The following KMT2C variants were observed in gnomAD, a reference collection of about 807,000 sequenced individuals.
The protein encoded by KMT2C is histone-lysine N-methyltransferase 2C.
A neutral mutation model predicts 507.9 loss-of-function variants in KMT2C; 88 were observed. The ratio of observed to expected loss-of-function variants is 0.17; its 90% CI spans 0.15 to 0.21. KMT2C has a LOEUF of 0.21. Among genes scored for constraint, KMT2C ranks in the 10% least tolerant of loss-of-function variants. KMT2C has a pLI of 1.00. For missense variants in KMT2C, 4,954 were observed against 5,957.8 expected (o/e 0.83, Z 5.55); for synonymous variants, 2,049 against 2,080.8 (o/e 0.98, Z 0.42).
chr7:152,201,045 G>T (rs1225485605), intron 26 of KMT2C, among the ~76,000 whole-genome samples: 3 of 152,124 alleles, frequency 2.0e-5, no homozygotes, highest in Non-Finnish European at 4.4e-5. Context: ...CGTTTTAGAA[G>T]TTTAGAGGTC....
intron 6 of KMT2C, among the ~76,000 whole-genome samples, chr7:152,302,743 G>A (rs1286096547): frequency 2.0e-5 from 3 of 151,954 alleles, no homozygotes; most frequent in Non-Finnish European, 4.4e-5. Flanking sequence ...CTGGGTTCAA[G>A]AAATTCTCCT....
intron 37 of KMT2C, 88 bp from the exon 38 acceptor site, chr7:152,178,098 A>G (rs2093293321): frequency 2.3e-6 from 3 of 1,277,382 alleles, no homozygotes; most frequent in South Asian, 4.4e-5. Context: ...AAAGTCTTCA[A>G]TTAAACTGTA....
At chr7:152,268,143 G>A (rs1417207796) in intron 7 of KMT2C, among the ~76,000 whole-genome samples, 1 of 152,144 alleles carries the variant, frequency 6.6e-6, no homozygotes, top group Non-Finnish European at 1.5e-5. Flanking sequence ...GCAGGGTGTG[G>A]TGGCACATGC....
chr7:152,260,981 T>C (rs571314541), intron 9 of KMT2C, among the ~76,000 whole-genome samples: 312 of 152,378 alleles, frequency 2.0e-3, no homozygotes, highest in Middle Eastern at 3.4e-3. Context: ...TTATAAATCA[T>C]TGCAGGAAGT....
At chr7:152,360,013 C>A (rs1171343475) in intron 1 of KMT2C, among the ~76,000 whole-genome samples, 1 of 120,532 alleles carries the variant, frequency 8.3e-6, no homozygotes, top group Non-Finnish European at 1.6e-5. Context: ...CATGCCACTG[C>A]ACTCCAGCCT....
rs181092996 is a variant in KMT2C at position 152,234,353 on chromosome 7, G to A, written c.2769+1464C>T. On this transcript the variant is annotated intron_variant, in intron 16 of 58. Coordinates refer to ENST00000262189, the MANE Select transcript of KMT2C (RefSeq NM_170606.3). ...GCTGAGATTGTGCCATTGCACTCCA[G>A]CCTAGGCAACAAGAGCGAAACTCTA... Among the ~76,000 whole-genome samples, 441 of 151,974 alleles carry A rather than the reference G, an allele frequency of 2.9e-3. 4 individuals carry two copies. The highest frequency in any genetic ancestry group is 3.6e-3 in the Non-Finnish European group (242 of 67,998).
intron 6 of KMT2C, among the ~76,000 whole-genome samples, chr7:152,287,138 G>A (rs187807677): frequency 3.7e-4 from 57 of 152,172 alleles, no homozygotes; most frequent in Admixed American, 2.0e-4. Context: ...GAGTGTGGGT[G>A]GAAAAAAAGT....
At chr7:152,375,577 G>C (rs2097323103) in intron 1 of KMT2C, among the ~76,000 whole-genome samples, 1 of 151,092 alleles carries the variant, frequency 6.6e-6, no homozygotes, top group Admixed American at 6.6e-5. Flanking sequence ...GTAGAGACAG[G>C]GTTTCACCAT....
chr7:152,181,699 T>G lies in KMT2C; in HGVS notation c.6161A>C (p.Gln2054Pro). 1 of 1,614,134 alleles carries G rather than the reference T, an allele frequency of 6.2e-7. No homozygotes were observed. Among genetic ancestry groups the G allele is most frequent in the Non-Finnish European group, 8.5e-7 (1 of 1,180,020 alleles). ...CTGTGACACTGATCCATAAGGATCC[T>G]GAGAGGATGGAGGAGGTTGCATTGG... ...KTPMQPPPSS[Q>P]DPYGSVSQAS... The change falls in exon 36 of 59, where the codon CAG (glutamine) becomes CCG (proline). Residue 2054 changes from glutamine (Q) to proline (P), a missense_variant. By Grantham distance (76) the Gln-to-Pro change is moderately conservative. Coordinates refer to ENST00000262189, the MANE Select transcript of KMT2C (RefSeq NM_170606.3).
Position 152,248,326 on chromosome 7 carries a change from T to C in KMT2C, c.2108A>G (p.His703Arg). The change falls in exon 14 of 59, where the codon CAT (histidine) becomes CGT (arginine). Residue 703 changes from histidine to arginine, a missense_variant. Transcript: ENST00000262189. ...TLPLETLVSP[H>R]EESISLCPEE... ...AGGACATAATGAAATACTTTCCTCA[T>C]GTGGGGACACTAAGGTTTCTAGTGG... The C allele has an allele frequency of 6.2e-7, 1 of 1,613,940 alleles. No individual in the cohort carries two copies. Among genetic ancestry groups the C allele is most frequent in the Non-Finnish European group, 8.5e-7 (1 of 1,179,864 alleles).
chr7:152,141,133 G>T (rs957459295), intron 55 of KMT2C, among the ~76,000 whole-genome samples: 1 of 152,064 alleles, frequency 6.6e-6, no homozygotes, highest in African/African-American at 2.4e-5. Context: ...CCAGCTACTA[G>T]GGAGGCTGAG....
At chr7:152,368,949 C>T (rs1423236986) in intron 1 of KMT2C, among the ~76,000 whole-genome samples, 1 of 151,616 alleles carries the variant, frequency 6.6e-6, no homozygotes, top group Non-Finnish European at 1.5e-5. Context: ...GAACATTTTA[C>T]TGTTGTACAA....
chr7:152,169,373 T>G (rs2092862324), intron 40 of KMT2C, 124 bp from the exon 41 acceptor site: 2 of 628,698 alleles, frequency 3.2e-6, no homozygotes, highest in African/African-American at 1.8e-5. Flanking sequence ...CTAAGATATC[T>G]TTTAAAGGTT....
chr7:152,379,768 A>G (rs1192197812), intron 1 of KMT2C, among the ~76,000 whole-genome samples: 3 of 147,426 alleles, frequency 2.0e-5, no homozygotes, highest in Admixed American at 6.8e-5. Context: ...GAGAGAAAAA[A>G]TAAGTATAAA....
At chr7:152,398,685 C>G (rs745818973) in intron 1 of KMT2C, among the ~76,000 whole-genome samples, 11 of 151,992 alleles carry the variant, frequency 7.2e-5, no homozygotes, top group Admixed American at 2.6e-4. Flanking sequence ...TAAGCGTGAG[C>G]CCCCTGCACC....
chr7:152,364,934 GACACACACACACACACACACAC>G (rs71198778), intron 1 of KMT2C, among the ~76,000 whole-genome samples: 3 of 138,058 alleles, frequency 2.2e-5, no homozygotes, highest in African/African-American at 8.2e-5. Flanking sequence ...GAAACAGACA[GACACACACACACACACACACAC>G]ACACACACAC....
chr7:152,412,136 T>C (rs2116677036), intron 1 of KMT2C, among the ~76,000 whole-genome samples: 1 of 152,226 alleles, frequency 6.6e-6, no homozygotes, highest in East Asian at 1.9e-4. Flanking sequence ...GAGCGGTGGC[T>C]CATGCCTGTA....
At chr7:152,361,444 T>C (rs1402151798) in intron 1 of KMT2C, among the ~76,000 whole-genome samples, 3 of 152,044 alleles carry the variant, frequency 2.0e-5, no homozygotes, top group Non-Finnish European at 4.4e-5. Flanking sequence ...GCGCCTGTAG[T>C]CCCAGCTACT....
intron 6 of KMT2C, 92 bp downstream of exon 6, chr7:152,309,874 T>C (rs1337284536): frequency 2.1e-5 from 17 of 822,074 alleles, no homozygotes; most frequent in Non-Finnish European, 3.2e-5. Context: ...GCTTTTACAC[T>C]ACAGCAATCA....
Sources: gnomAD v4.1 joint callset for allele counts (sites outside exome capture counted in the v4.1 genomes callset) on GRCh38, gnomAD v4.1.1 for gene constraint, MANE v1.5 for transcripts, NCBI Gene and HGNC (gene_info 2026-07-23, HGNC 2026-07-21) for gene names.